The following FMN2 variants were observed in gnomAD, a reference collection of about 807,000 sequenced individuals.
FMN2 encodes the protein formin-2.
A neutral mutation model predicts 142.3 loss-of-function variants in FMN2; 51 were observed. The observed-to-expected ratio is 0.36, with a 90% CI of 0.29 to 0.45. The LOEUF (loss-of-function observed/expected upper bound fraction) is 0.45, where lower values mean the gene tolerates loss of function less well. Among genes scored for constraint, FMN2 ranks in the 20% least tolerant of loss-of-function variants. The probability of loss-of-function intolerance (pLI) is 1.00; values close to 1 mark genes in which losing one functional copy is unlikely to be tolerated. For synonymous variants in FMN2, 882 were observed against 869.8 expected (o/e 1.01, Z -0.25); for missense variants, 1,936 against 2,122.8 (o/e 0.91, Z 1.73).
rs78708388 is a variant in FMN2, at chr1:240,356,205, C to T, written c.4858+297C>T. 9.2e-3 allele frequency among the ~76,000 whole-genome samples: 1,393 copies of T among 152,090 alleles called. 11 individuals are homozygous for T. The highest frequency in any genetic ancestry group is 0.014 in the Non-Finnish European group (934 of 67,980). On this transcript the variant is annotated intron_variant, in intron 14 of 17. Coordinates refer to ENST00000319653, the MANE Select transcript of FMN2 (RefSeq NM_020066.5). ...TTAAAATAGCTCATCTTTTAAAAGA[C>T]ATTAACAATTCTGTGCTTTTTGTGA...
chr1:240,431,423 T>TATATATATATATAC lies in FMN2; in HGVS notation c.4911-6637_4911-6636insTATATATATATACA, dbSNP rs1491221486. Among the ~76,000 whole-genome samples the TATATATATATATAC allele has an allele frequency of 1.0e-3, 132 of 130,924 alleles. 1 individual carries two copies. Among genetic ancestry groups the TATATATATATATAC allele is most frequent in the African/African-American group, 3.5e-3 (128 of 36,356 alleles). 85.9% of individuals were successfully genotyped at this position (130,924 alleles called of 152,430 possible). Reference sequence around the variant, plus strand: ...TGTTTTATATATATATATATATATATACATATATATACACACATATATATG... The same window carrying TATATATATATATAC: ...TGTTTTATATATATATATATATATATATATATATATATACACATATATATACACACATATATATG... On this transcript the variant is annotated intron_variant, in intron 15 of 17. Transcript: ENST00000319653.
At chr1:240,206,179 C>T (rs1666345165) in intron 4 of FMN2, among the ~76,000 whole-genome samples, 1 of 152,112 alleles carries the variant, frequency 6.6e-6, no homozygotes, top group Non-Finnish European at 1.5e-5. Flanking sequence ...GCTGGGATTA[C>T]AGGTGTGAAC....
At chr1:240,472,159 A>T (rs920339955) in intron 16 of FMN2, 1 of 489,088 alleles carries the variant, frequency 2.0e-6, no homozygotes, top group African/African-American at 2.0e-5. Flanking sequence ...TCATACTATG[A>T]TTCCAAGTTA....
intron 8 of FMN2, among the ~76,000 whole-genome samples, chr1:240,314,872 G>A (rs1475279972): frequency 9.2e-5 from 14 of 152,136 alleles, no homozygotes; most frequent in Admixed American, 5.9e-4. Context: ...GATCTGCCTC[G>A]TTTGTCTCTT....
chr1:240,438,341 A>T, intron 16 of FMN2, 131 bp downstream of exon 16: 1 of 988,458 alleles, frequency 1.0e-6, no homozygotes, highest in Non-Finnish European at 1.5e-6. Context: ...CAAGTTGAAG[A>T]GGATGCTGAC....
intron 2 of FMN2, among the ~76,000 whole-genome samples, chr1:240,147,588 A>C (rs1468683959): frequency 1.3e-5 from 2 of 152,106 alleles, no homozygotes; most frequent in Non-Finnish European, 2.9e-5. Context: ...GAATCCCTGC[A>C]CTCAAGTGAT....
intron 6 of FMN2, among the ~76,000 whole-genome samples, chr1:240,235,193 C>T (rs1014283102): frequency 3.4e-4 from 51 of 152,066 alleles, no homozygotes; most frequent in Non-Finnish European, 5.4e-4. Context: ...TAAGATATTG[C>T]GATAAATCAA....
chr1:240,366,431 A>G (rs1262093397), intron 14 of FMN2, among the ~76,000 whole-genome samples: 1 of 152,128 alleles, frequency 6.6e-6, no homozygotes, highest in Non-Finnish European at 1.5e-5. Context: ...TCTCCACTGA[A>G]CGTGGTTTTT....
intron 1 of FMN2, among the ~76,000 whole-genome samples, chr1:240,119,023 G>A (rs1000017783): frequency 6.6e-6 from 1 of 152,082 alleles, no homozygotes; most frequent in Admixed American, 6.5e-5. Context: ...AGATGTGAAG[G>A]ATTTGACTTA....
At chr1:240,462,189 AT>A (rs1203393946) in intron 16 of FMN2, among the ~76,000 whole-genome samples, 1 of 152,030 alleles carries the variant, frequency 6.6e-6, no homozygotes, top group Non-Finnish European at 1.5e-5. Flanking sequence ...TCTTTAAATG[AT>A]TTTTTGGAAT....
chr1:240,259,914 A>C (rs1266274100), intron 7 of FMN2, among the ~76,000 whole-genome samples: 6 of 151,868 alleles, frequency 4.0e-5, no homozygotes, highest in Non-Finnish European at 5.9e-5. Context: ...CCACCCTTCC[A>C]CCAAGTCCCC....
At chr1:240,387,763 T>C (rs187761840) in intron 14 of FMN2, among the ~76,000 whole-genome samples, 3 of 152,180 alleles carry the variant, frequency 2.0e-5, no homozygotes, top group Non-Finnish European at 2.9e-5. Flanking sequence ...TGGAAGACTT[T>C]TCACATATTG....
chr1:240,189,724 GA>G (rs1307952682), intron 4 of FMN2, among the ~76,000 whole-genome samples: 3 of 152,230 alleles, frequency 2.0e-5, no homozygotes, highest in African/African-American at 7.2e-5. Context: ...GGCACTTGGA[GA>G]GGCACGGTGG....
At chr1:240,171,034 A>T in intron 2 of FMN2, 1 of 970,900 alleles carries the variant, frequency 1.0e-6, no homozygotes, top group East Asian at 2.4e-5. Flanking sequence ...CTGGGGCGTC[A>T]GTGTGGTGGT....
chr1:240,421,161 C>A (rs531371645), intron 15 of FMN2, among the ~76,000 whole-genome samples: 41 of 152,110 alleles, frequency 2.7e-4, no homozygotes, highest in Non-Finnish European at 5.1e-4. Context: ...CCTAGACCTC[C>A]GTGCAAATGA....
intron 13 of FMN2, among the ~76,000 whole-genome samples, chr1:240,344,572 A>G (rs1489800231): frequency 6.6e-6 from 1 of 152,226 alleles, no homozygotes; most frequent in Non-Finnish European, 1.5e-5. Flanking sequence ...GTCTCAAAAT[A>G]TACATTACTT....
intron 8 of FMN2, among the ~76,000 whole-genome samples, chr1:240,311,434 G>T (rs1670601962): frequency 6.6e-6 from 1 of 151,996 alleles, no homozygotes. Context: ...CCACATAGCT[G>T]TTTTAAAACC....
At chr1:240,196,844 A>G (rs576602155) in intron 4 of FMN2, among the ~76,000 whole-genome samples, 1 of 152,324 alleles carries the variant, frequency 6.6e-6, no homozygotes, top group South Asian at 2.1e-4. Context: ...AATGAATTAG[A>G]GAAATGATCG....
chr1:240,188,222 T>C lies in FMN2; in HGVS notation c.1946T>C (p.Val649Ala). 6.2e-7 allele frequency: 1 copy of C among 1,613,960 alleles called. No homozygotes were observed. The highest frequency in any genetic ancestry group is 8.5e-7 in the Non-Finnish European group (1 of 1,179,920). ...TCCAATCTAGAATCTCAATCTGCTG[T>C]TTCAGAAACTCCCCAAAAACGCTCA... The part of the protein sequence containing the change: ...EDAETESQSA[V>A]SETPQKRSDA... The change falls in exon 4 of 18, where the codon GTT becomes GCT. Residue 649 changes from valine (V) to alanine (A), a missense_variant. Transcript: ENST00000319653.
Sources: allele counts gnomAD v4.1 joint callset (sites outside exome capture counted in the v4.1 genomes callset), GRCh38; gene constraint gnomAD v4.1.1; transcripts MANE v1.5; gene names NCBI Gene and HGNC (gene_info 2026-07-23, HGNC 2026-07-21).